TIGD3: variants seen among roughly 807,000 people sequenced by gnomAD.
TIGD3 encodes the protein tigger transposable element-derived protein 3.
A neutral mutation model predicts 14.8 loss-of-function variants in TIGD3; 7 were observed. The ratio of observed to expected loss-of-function variants is 0.47; its 90% CI spans 0.27 to 0.89. The LOEUF is 0.89. Among genes scored for constraint, TIGD3 ranks in the 40% least tolerant of loss-of-function variants. TIGD3 has a pLI of 0.13. For missense variants in TIGD3, 581 were observed against 611.0 expected, an observed-to-expected ratio of 0.95 and a Z score of 0.52; for synonymous variants, 243 against 269.4, an observed-to-expected ratio of 0.90 and a Z score of 0.96.
Position 65,356,182 on chromosome 11 carries a change from T to C in TIGD3, c.374T>C (p.Val125Ala). 1.2e-6 allele frequency: 2 copies of C among 1,611,754 alleles called. No homozygotes were observed. The highest frequency in any genetic ancestry group is 2.7e-5 in the African/African-American group (2 of 75,032). ...TTCGTGCCCAGCATCGGCTGGCTGGTCCGCTGGAAACGCCGAAACAACGTC... is the reference window on the plus strand; with the variant it reads ...TTCGTGCCCAGCATCGGCTGGCTGGCCCGCTGGAAACGCCGAAACAACGTC... ...QDFVPSIGWL[V>A]RWKRRNNVGF... Residue 125 changes from valine to alanine, a missense_variant, in exon 2 of 2, where the codon GTC becomes GCC. By Grantham distance (64) the Val-to-Ala change is moderately conservative. Coordinates refer to ENST00000309880, the MANE Select transcript of TIGD3 (RefSeq NM_145719.3). The surrounding 1 kb of genome is among the most constrained non-coding windows in gnomAD (Gnocchi z 5.2).
chr11:65,355,900 A>G lies in TIGD3; in HGVS notation c.92A>G (p.Gln31Arg), dbSNP rs997373333. Residue 31 changes from glutamine (Q) to arginine (R), a missense_variant, in exon 2 of 2, where the codon CAG becomes CGG. Physicochemically the swap from Gln to Arg is conservative, Grantham distance 43. Transcript: ENST00000309880. ...LELLDESKMS[Q>R]SEVARRFQVS... is the part of the protein sequence containing the mutation. ...CTCCTGGATGAGTCCAAGATGTCCC[A>G]GTCGGAGGTGGCCCGGCGCTTCCAG... 20 of 1,613,966 alleles carry G rather than the reference A, an allele frequency of 1.2e-5. No individual in the cohort carries two copies. The highest frequency in any genetic ancestry group is 1.7e-5 in the Non-Finnish European group (20 of 1,180,026).
Position 65,356,039 on chromosome 11 carries a change from C to A in TIGD3, c.231C>A (p.Ser77Arg). ...ERKRKRESKY[S>R]GIDEALLCWY... is the part of the protein sequence containing the mutation. ...AGCGCAAGCGGGAGTCCAAGTACAG[C>A]GGGATCGACGAGGCTCTGCTCTGCT... The change falls in exon 2 of 2, where the codon AGC becomes AGA. Residue 77 changes from serine to arginine, a missense_variant. By Grantham distance (110) the Ser-to-Arg change is moderately radical (BLOSUM62 -1). Coordinates refer to ENST00000309880, the MANE Select transcript of TIGD3 (RefSeq NM_145719.3). This position sits in a 1 kb window ranked among gnomAD's most constrained non-coding sequence, Gnocchi z 5.2. 6.2e-7 allele frequency: 1 copy of A among 1,613,004 alleles called. No homozygotes were observed. Among genetic ancestry groups the A allele is most frequent in the Non-Finnish European group, 8.5e-7 (1 of 1,180,014 alleles).
Position 65,356,850 on chromosome 11 carries a change from T to G in TIGD3, c.1042T>G (p.Trp348Gly). The G allele has an allele frequency of 6.2e-7, 1 of 1,613,382 alleles. No homozygotes were observed. ...CGCCCTGCACGTGGCGTCTGCCGCCTGGGCCAAGGTGCCTCCTCAGCTCAT... is the reference window on the plus strand; with the variant it reads ...CGCCCTGCACGTGGCGTCTGCCGCCGGGGCCAAGGTGCCTCCTCAGCTCAT... ...LDALHVASAA[W>G]AKVPPQLIFS... The change falls in exon 2 of 2, where the codon TGG becomes GGG. Residue 348 changes from tryptophan (W) to glycine (G), a missense_variant. Trp to Gly is a radical substitution (Grantham distance 184, BLOSUM62 -2). Transcript: ENST00000309880. The surrounding 1 kb of genome is among the most constrained non-coding windows in gnomAD (Gnocchi z 5.2).
chr11:65,356,316 G>C lies in TIGD3; in HGVS notation c.508G>C (p.Glu170Gln). 1.9e-6 allele frequency: 3 copies of C among 1,612,658 alleles called. 1 individual carries two copies. The highest frequency in any genetic ancestry group is 2.5e-6 in the Non-Finnish European group (3 of 1,180,040). The part of the protein sequence containing the change: ...LPLSLKDFSP[E>Q]DVFGCAELPL... ...TCTTTCCCTAAAAGACTTCTCTCCA[G>C]AGGACGTGTTTGGCTGTGCTGAATT... is the stretch of plus-strand genomic sequence containing the variant. The change falls in exon 2 of 2, where the codon GAG (glutamate) becomes CAG (glutamine). Residue 170 changes from glutamate (E) to glutamine (Q), a missense_variant. By Grantham distance (29) the Glu-to-Gln change is conservative. Coordinates refer to ENST00000309880, the MANE Select transcript of TIGD3 (RefSeq NM_145719.3). This position sits in a 1 kb window ranked among gnomAD's most constrained non-coding sequence, Gnocchi z 5.2.
rs1017083926 is a variant in TIGD3, at chr11:65,357,299, G to A, written c.*75G>A. The A allele has an allele frequency of 1.0e-5, 14 of 1,364,330 alleles. No homozygotes were observed. Among genetic ancestry groups the A allele is most frequent in the East Asian group, 4.8e-5 (2 of 41,694 alleles). 84.5% of individuals were successfully genotyped at this position (1,364,330 alleles called of 1,614,324 possible). Reference sequence around the variant, plus strand: ...AAACGGCCTCTTCAGAAGGCAGATCGGGCTGTCTCTTTCCTGTGGAAATAG... The same window carrying A: ...AAACGGCCTCTTCAGAAGGCAGATCAGGCTGTCTCTTTCCTGTGGAAATAG... On this transcript the variant is annotated 3_prime_UTR_variant, in exon 2 of 2. Coordinates refer to ENST00000309880, the MANE Select transcript of TIGD3 (RefSeq NM_145719.3).
Position 65,356,708 on chromosome 11 carries a change from G to T in TIGD3, c.900G>T (p.Val300=). 2 of 1,613,262 alleles carry T rather than the reference G, an allele frequency of 1.2e-6. No individual in the cohort carries two copies. The highest frequency in any genetic ancestry group is 1.7e-6 in the Non-Finnish European group (2 of 1,180,000). Residue 300 remains valine (V), a synonymous_variant, in exon 2 of 2, where the codon GTG becomes GTT. Coordinates refer to ENST00000309880, the MANE Select transcript of TIGD3 (RefSeq NM_145719.3). The surrounding 1 kb of genome is among the most constrained non-coding windows in gnomAD (Gnocchi z 5.2). ...SSTTPPLPSS[V]VRAFKAHYRH... is the part of the protein sequence containing the mutation. ...CCACGCCTCCCCTGCCCAGCTCAGT[G>T]GTCCGGGCCTTTAAGGCCCATTACC...
intron 1 of TIGD3, among the ~76,000 whole-genome samples, chr11:65,355,276 G>C (rs976047831): frequency 2.0e-5 from 3 of 151,832 alleles, no homozygotes; most frequent in East Asian, 1.9e-4. Flanking sequence ...CACCAAATTA[G>C]CCTCGCTCCT....
In TIGD3 at chr11:65,356,275, C is replaced by G; in HGVS notation, c.467C>G (p.Ser156Cys). 2 of 1,612,950 alleles carry G rather than the reference C, an allele frequency of 1.2e-6. No individual in the cohort carries two copies. Among genetic ancestry groups the G allele is most frequent in the Non-Finnish European group, 1.7e-6 (2 of 1,180,016 alleles). The stretch of plus-strand genomic sequence containing the variant: ...GAGCCACCTCCCCCGGGGCTCACAT[C>G]CCAGGCTCAGCTGCCTCTTTCCCTA... ...PPEPPPPGLT[S>C]QAQLPLSLKD... Residue 156 changes from serine (S) to cysteine (C), a missense_variant, in exon 2 of 2, where the codon TCC (serine) becomes TGC (cysteine). Physicochemically the swap from Ser to Cys is moderately radical, Grantham distance 112. Transcript: ENST00000309880. This position sits in a 1 kb window ranked among gnomAD's most constrained non-coding sequence, Gnocchi z 5.2.
rs965413752 is a variant in TIGD3 at position 65,356,377 on chromosome 11, G to C, written c.569G>C (p.Gly190Ala). 1.2e-6 allele frequency: 2 copies of C among 1,611,106 alleles called. No individual in the cohort carries two copies. Among genetic ancestry groups the C allele is most frequent in the Non-Finnish European group, 1.7e-6 (2 of 1,180,032 alleles). Residue 190 changes from glycine to alanine, a missense_variant, in exon 2 of 2, where the codon GGT becomes GCT. Physicochemically the swap from Gly to Ala is moderately conservative, Grantham distance 60. Coordinates refer to ENST00000309880, the MANE Select transcript of TIGD3 (RefSeq NM_145719.3). The surrounding 1 kb of genome is among the most constrained non-coding windows in gnomAD (Gnocchi z 5.2). The part of the protein sequence containing the change: ...LLYRAVPGSF[G>A]ACDQVQVLLC... Reference sequence around the variant, plus strand: ...TATCGGGCAGTGCCCGGCAGCTTTGGTGCATGTGATCAAGTACAGGTGCTG... The same window carrying C: ...TATCGGGCAGTGCCCGGCAGCTTTGCTGCATGTGATCAAGTACAGGTGCTG...
chr11:65,357,020 G>A lies in TIGD3; in HGVS notation c.1212G>A (p.Arg404=), dbSNP rs766577845. Residue 404 remains arginine (R), a synonymous_variant, in exon 2 of 2, where the codon AGG becomes AGA. Transcript: ENST00000309880. ...RFVDLEGEEP[R]SGVCKEEIGT... is the part of the protein sequence containing the mutation. ...TGGACCTGGAGGGTGAGGAGCCAAGGTCTGGAGTATGTAAGGAGGAGATAG... is the reference window on the plus strand; with the variant it reads ...TGGACCTGGAGGGTGAGGAGCCAAGATCTGGAGTATGTAAGGAGGAGATAG... 2.0e-5 allele frequency: 33 copies of A among 1,614,040 alleles called. No homozygotes were observed. The highest frequency in any genetic ancestry group is 1.0e-5 in the Non-Finnish European group (12 of 1,180,020).
chr11:65,356,080 G>C lies in TIGD3; in HGVS notation c.272G>C (p.Arg91Pro), dbSNP rs375688014. The change falls in exon 2 of 2, where the codon CGG becomes CCG. Residue 91 changes from arginine (R) to proline (P), a missense_variant. Coordinates refer to ENST00000309880, the MANE Select transcript of TIGD3 (RefSeq NM_145719.3). This position sits in a 1 kb window ranked among gnomAD's most constrained non-coding sequence, Gnocchi z 5.2. ...EALLCWYHIA[R>P]AKAWDVTGPM... ...CTGCTCTGCTGGTACCACATTGCCC[G>C]GGCCAAGGCCTGGGACGTGACGGGG... 3 of 1,611,712 alleles carry C rather than the reference G, an allele frequency of 1.9e-6. No individual in the cohort carries two copies. In the African/African-American group the frequency reaches 4.0e-5, roughly 22 times the overall value.
At chr11:65,355,762 T>C (rs1221966722) in intron 1 of TIGD3, 31 bp from the exon 2 acceptor site, 1 of 1,550,724 alleles carries the variant, frequency 6.4e-7, no homozygotes, top group Non-Finnish European at 8.7e-7. Flanking sequence ...CTCAGATTAC[T>C]CTACCCGCTC....
In TIGD3 at chr11:65,356,651, C is replaced by G; in HGVS notation, c.843C>G (p.His281Gln). ...EELAGLPGLY[H>Q]VKLLPLAASS... is the part of the protein sequence containing the mutation. ...TGGCAGGCCTGCCTGGGCTCTACCACGTGAAGCTCTTGCCTCTGGCCGCCT... is the reference window on the plus strand; with the variant it reads ...TGGCAGGCCTGCCTGGGCTCTACCAGGTGAAGCTCTTGCCTCTGGCCGCCT... Residue 281 changes from histidine (H) to glutamine (Q), a missense_variant, in exon 2 of 2, where the codon CAC becomes CAG. Physicochemically the swap from His to Gln is conservative, Grantham distance 24 (BLOSUM62 0). Transcript: ENST00000309880. This position sits in a 1 kb window ranked among gnomAD's most constrained non-coding sequence, Gnocchi z 5.2. 1.9e-6 allele frequency: 3 copies of G among 1,613,028 alleles called. No individual in the cohort carries two copies. The highest frequency in any genetic ancestry group is 2.5e-6 in the Non-Finnish European group (3 of 1,180,016).
At chr11:65,355,421 T>C in intron 1 of TIGD3, among the ~76,000 whole-genome samples, 1 of 83,012 alleles carries the variant, frequency 1.2e-5, no homozygotes, top group African/African-American at 4.8e-5. Context: ...CGGGGGCTCC[T>C]CCCCCGCAGC....
chr11:65,356,643 C>G lies in TIGD3; in HGVS notation c.835C>G (p.Leu279Val). 6.2e-7 allele frequency: 1 copy of G among 1,612,814 alleles called. No homozygotes were observed. The highest frequency in any genetic ancestry group is 1.1e-5 in the South Asian group (1 of 91,082). ...VVEELAGLPG[L>V]YHVKLLPLAA... Reference sequence around the variant, plus strand: ...GGAGGAGCTGGCAGGCCTGCCTGGGCTCTACCACGTGAAGCTCTTGCCTCT... The same window carrying G: ...GGAGGAGCTGGCAGGCCTGCCTGGGGTCTACCACGTGAAGCTCTTGCCTCT... The change falls in exon 2 of 2, where the codon CTC becomes GTC. Residue 279 changes from leucine (L) to valine (V), a missense_variant. Leu to Val is a conservative substitution (Grantham distance 32). Coordinates refer to ENST00000309880, the MANE Select transcript of TIGD3 (RefSeq NM_145719.3). The surrounding 1 kb of genome is among the most constrained non-coding windows in gnomAD (Gnocchi z 5.2).
At position 65,356,698 on chromosome 11, in the gene TIGD3, C is replaced by G. The variant is rs1027191448; in HGVS notation, c.890C>G (p.Pro297Arg). ...GCCTCTAGCACCACGCCTCCCCTGC[C>G]CAGCTCAGTGGTCCGGGCCTTTAAG... The part of the protein sequence containing the change: ...LAASSTTPPL[P>R]SSVVRAFKAH... The change falls in exon 2 of 2, where the codon CCC becomes CGC. Residue 297 changes from proline (P) to arginine (R), a missense_variant. By Grantham distance (103) the Pro-to-Arg change is moderately radical. Transcript: ENST00000309880. This position sits in a 1 kb window ranked among gnomAD's most constrained non-coding sequence, Gnocchi z 5.2. The G allele has an allele frequency of 1.2e-6, 2 of 1,613,254 alleles. No homozygotes were observed. Among genetic ancestry groups the G allele is most frequent in the African/African-American group, 2.7e-5 (2 of 74,966 alleles).
rs1404727450 is a variant in TIGD3 at position 65,356,801 on chromosome 11, C to T, written c.993C>T (p.Ala331=). 4 of 1,612,822 alleles carry T rather than the reference C, an allele frequency of 2.5e-6. No homozygotes were observed. The highest frequency in any genetic ancestry group is 2.2e-5 in the East Asian group (1 of 44,884). The part of the protein sequence containing the change: ...SERDGTSLAE[A]GAGITVLDAL... Reference sequence around the variant, plus strand: ...GGGATGGCACCTCGCTGGCCGAGGCCGGGGCAGGCATCACCGTGCTGGACG... The same window carrying T: ...GGGATGGCACCTCGCTGGCCGAGGCTGGGGCAGGCATCACCGTGCTGGACG... The change falls in exon 2 of 2, where the codon GCC becomes GCT. Residue 331 remains alanine, a synonymous_variant. Transcript: ENST00000309880. The surrounding 1 kb of genome is among the most constrained non-coding windows in gnomAD (Gnocchi z 5.2).
rs760378483 is a variant in TIGD3 at position 65,356,563 on chromosome 11, G to A, written c.755G>A (p.Arg252Gln). The A allele has an allele frequency of 4.7e-5, 75 of 1,607,762 alleles. No homozygotes were observed. The highest frequency in any genetic ancestry group is 5.9e-5 in the Non-Finnish European group (70 of 1,179,938). ...PWLEWLAQFD[R>Q]DMGQQGRQVA... The stretch of plus-strand genomic sequence containing the variant: ...TTAGAGTGGTTGGCACAGTTTGACC[G>A]GGACATGGGACAGCAGGGCCGACAG... Residue 252 changes from arginine to glutamine, a missense_variant, in exon 2 of 2, where the codon CGG (arginine) becomes CAG (glutamine). Arg to Gln is a conservative substitution (Grantham distance 43). Coordinates refer to ENST00000309880, the MANE Select transcript of TIGD3 (RefSeq NM_145719.3). The surrounding 1 kb of genome is among the most constrained non-coding windows in gnomAD (Gnocchi z 5.2).
At chr11:65,355,189 G>T (rs1565549224) in intron 1 of TIGD3, among the ~76,000 whole-genome samples, 1 of 151,976 alleles carries the variant, frequency 6.6e-6, no homozygotes, top group Non-Finnish European at 1.5e-5. Context: ...TTTGTCGCTC[G>T]TGCACCTGCG....
Sources: gnomAD v4.1 joint callset for allele counts (sites outside exome capture counted in the v4.1 genomes callset) on GRCh38, gnomAD v4.1.1 for gene constraint, Gnocchi (gnomAD v3.1) non-coding constraint, MANE v1.5 for transcripts, NCBI Gene and HGNC (gene_info 2026-07-23, HGNC 2026-07-21) for gene names.